The following SCMH1 variants were observed in gnomAD, a reference collection of about 807,000 sequenced individuals.
SCMH1 encodes the protein Scm polycomb group protein homolog 1.
SCMH1 carries 37 observed loss-of-function variants against 70.8 expected under a neutral mutation model. The ratio of observed to expected loss-of-function variants is 0.52; its 90% confidence interval spans 0.40 to 0.69. The LOEUF (loss-of-function observed/expected upper bound fraction) is 0.69. SCMH1 is among the 30% of genes least tolerant of loss of function. The pLI is 0.00. For missense variants in SCMH1, 607 were observed against 827.3 expected, an observed-to-expected ratio of 0.73 and a Z score of 3.27; for synonymous variants, 292 against 307.4, an observed-to-expected ratio of 0.95 and a Z score of 0.52.
In SCMH1 at chr1:41,113,651, T is replaced by A; in HGVS notation, c.502-125A>T. 1.2e-6 allele frequency: 1 copy of A among 839,598 alleles called. No homozygotes were observed. Among genetic ancestry groups the A allele is most frequent in the Non-Finnish European group, 1.6e-6 (1 of 610,302 alleles). The allele number at this position is 839,598 out of a possible 1,614,324, so 52.0% of individuals were successfully genotyped here. A position where few individuals can be genotyped will look rare whatever the true frequency, so the allele number is the denominator to read the frequency against. ...TGAGACTTATAATGGATATATAGCC[T>A]TTCTTTTAAATTAATTTTAAATTCA... On this transcript the variant is annotated intron_variant, in intron 7 of 14. Transcript: ENST00000337495. This position sits in a 1 kb window ranked among gnomAD's most constrained non-coding sequence, Gnocchi z 4.3.
At chr1:41,214,771 G>A (rs913102926) in intron 1 of SCMH1, among the ~76,000 whole-genome samples, 10 of 152,078 alleles carry the variant, frequency 6.6e-5, no homozygotes, top group African/African-American at 2.4e-4. Context: ...CTCCAATTGA[G>A]GGTCTGACAG....
intron 13 of SCMH1, among the ~76,000 whole-genome samples, chr1:41,035,415 C>T (rs1645146108): frequency 6.6e-6 from 1 of 152,216 alleles, no homozygotes; most frequent in Non-Finnish European, 1.5e-5. Context: ...AACTGGCCAA[C>T]TAGTCTCCAA....
chr1:41,106,750 C>T (rs570207533), intron 8 of SCMH1, among the ~76,000 whole-genome samples: 6 of 151,738 alleles, frequency 4.0e-5, no homozygotes, highest in African/African-American at 9.7e-5. Context: ...AGTGCAGTGG[C>T]GCAATCTCAG....
intron 4 of SCMH1, among the ~76,000 whole-genome samples, chr1:41,154,204 C>A (rs891321268): frequency 3.9e-5 from 6 of 152,166 alleles, no homozygotes; most frequent in Admixed American, 3.9e-4. Context: ...AGTTCTGGGC[C>A]TCACCTTCAG....
At chr1:41,181,742 C>CGG in intron 2 of SCMH1, among the ~76,000 whole-genome samples, 1 of 152,226 alleles carries the variant, frequency 6.6e-6, no homozygotes, top group Admixed American at 6.5e-5. Context: ...CACTTTTACA[C>CGG]TGTTGGTGGG....
chr1:41,175,767 T>A (rs1323996762), intron 2 of SCMH1, among the ~76,000 whole-genome samples: 1 of 152,166 alleles, frequency 6.6e-6, no homozygotes, highest in African/African-American at 2.4e-5. Context: ...CCACTCCAAG[T>A]GTTTGCCTTC....
At chr1:41,047,392 CT>C (rs397861246) in intron 11 of SCMH1, among the ~76,000 whole-genome samples, 1,230 of 112,422 alleles carry the variant, frequency 0.011, 1 homozygote, top group Middle Eastern at 0.066. Context: ...ACTTCCCAGT[CT>C]TTTTTTTTTT....
intron 4 of SCMH1, among the ~76,000 whole-genome samples, chr1:41,157,242 A>C (rs1455702754): frequency 6.6e-6 from 1 of 152,186 alleles, no homozygotes; most frequent in East Asian, 1.9e-4. Flanking sequence ...AACAATTTCC[A>C]TAATTTTGAC....
chr1:41,175,174 T>C (rs1021202957), intron 2 of SCMH1, among the ~76,000 whole-genome samples: 8 of 152,220 alleles, frequency 5.3e-5, no homozygotes, highest in Non-Finnish European at 8.8e-5. Flanking sequence ...TGAGTAAAGA[T>C]TGCCCTCACC....
intron 6 of SCMH1, among the ~76,000 whole-genome samples, chr1:41,126,891 T>A (rs775501209): frequency 6.6e-6 from 1 of 152,124 alleles, no homozygotes; most frequent in Non-Finnish European, 1.5e-5. Context: ...GTGGGATCCC[T>A]GGGTCAACTA....
At chr1:41,228,568 A>G (rs1217543850) in intron 1 of SCMH1, among the ~76,000 whole-genome samples, 2 of 151,968 alleles carry the variant, frequency 1.3e-5, no homozygotes, top group African/African-American at 4.8e-5. Flanking sequence ...GCATCACTTA[A>G]GCCTAGGAGT....
At chr1:41,051,642 AAAAAT>A (rs1040136717) in intron 10 of SCMH1, among the ~76,000 whole-genome samples, 35 of 152,308 alleles carry the variant, frequency 2.3e-4, no homozygotes, top group African/African-American at 7.5e-4. Flanking sequence ...TAAAAAGTAA[AAAAAT>A]AAAATAAATC....
At chr1:41,206,570 T>A (rs568112503) in intron 1 of SCMH1, among the ~76,000 whole-genome samples, 1 of 152,208 alleles carries the variant, frequency 6.6e-6, no homozygotes, top group African/African-American at 2.4e-5. Context: ...ATTTGACTGG[T>A]GTACCTGAAA....
At chr1:41,200,038 TAAAC>T (rs946059666) in intron 1 of SCMH1, among the ~76,000 whole-genome samples, 3 of 152,210 alleles carry the variant, frequency 2.0e-5, no homozygotes, top group Non-Finnish European at 2.9e-5. Context: ...AGGCAAATCT[TAAAC>T]AAATGTAAAA....
intron 6 of SCMH1, among the ~76,000 whole-genome samples, chr1:41,122,590 T>C (rs1672216261): frequency 6.6e-6 from 1 of 152,226 alleles, no homozygotes; most frequent in Non-Finnish European, 1.5e-5. Flanking sequence ...CTTTATTATG[T>C]TATTCCACTT....
chr1:41,187,761 C>A (rs932997864), intron 1 of SCMH1, among the ~76,000 whole-genome samples: 10 of 151,334 alleles, frequency 6.6e-5, no homozygotes, highest in Admixed American at 1.3e-4. Context: ...CACAGTGAGA[C>A]CCCCATCTCT....
chr1:41,042,171 A>T (rs1209621949), intron 12 of SCMH1, among the ~76,000 whole-genome samples: 1 of 151,218 alleles, frequency 6.6e-6, no homozygotes, highest in Non-Finnish European at 1.5e-5. Flanking sequence ...TTCACCACAT[A>T]CATGTTCATA....
intron 5 of SCMH1, among the ~76,000 whole-genome samples, chr1:41,144,279 C>T (rs1644359977): frequency 6.6e-6 from 1 of 152,126 alleles, no homozygotes; most frequent in South Asian, 2.1e-4. Context: ...CAGCCCAGTC[C>T]CTAGAAACCA....
intron 2 of SCMH1, among the ~76,000 whole-genome samples, chr1:41,176,389 G>T (rs958139618): frequency 6.6e-6 from 1 of 152,198 alleles, no homozygotes; most frequent in African/African-American, 2.4e-5. Context: ...ACAGGGGAGT[G>T]TCGGACAGTG....
Sources: allele counts gnomAD v4.1 joint callset (sites outside exome capture counted in the v4.1 genomes callset), GRCh38; gene constraint gnomAD v4.1.1; non-coding constraint Gnocchi (gnomAD v3.1); transcripts MANE v1.5; gene names NCBI Gene and HGNC (gene_info 2026-07-23, HGNC 2026-07-21).